The following SBF2 variants were observed in gnomAD, a reference collection of about 807,000 sequenced individuals.
SBF2 encodes SET binding factor 2.
SBF2 carries 112 observed loss-of-function variants against 225.2 expected under a neutral mutation model. The ratio of observed to expected loss-of-function variants is 0.50; its 90% CI spans 0.43 to 0.58. SBF2 has a LOEUF of 0.58. SBF2 is among the 20% of genes least tolerant of loss of function. The pLI, the probability that SBF2 is intolerant of heterozygous loss-of-function variation, is 0.00. For synonymous variants in SBF2, 763 were observed against 773.3 expected (o/e 0.99, Z 0.22); for missense variants, 1,996 against 2,206.2 (o/e 0.90, Z 1.91).
At chr11:10,175,206 C>T (rs1225820645) in intron 2 of SBF2, among the ~76,000 whole-genome samples, 5 of 151,332 alleles carry the variant, frequency 3.3e-5, no homozygotes, top group Non-Finnish European at 5.9e-5. Flanking sequence ...AATTAAAAGA[C>T]ACAGACTGGC....
chr11:10,088,666 G>C (rs992836370), intron 2 of SBF2, among the ~76,000 whole-genome samples: 1 of 152,174 alleles, frequency 6.6e-6, no homozygotes, highest in Non-Finnish European at 1.5e-5. Context: ...GGAACTTAAA[G>C]AGTGAGAACT....
Position 10,002,662 on chromosome 11 carries a change from C to T in SBF2, c.647G>A (p.Cys216Tyr). 6.2e-7 allele frequency: 1 copy of T among 1,613,390 alleles called. No homozygotes were observed. The highest frequency in any genetic ancestry group is 8.5e-7 in the Non-Finnish European group (1 of 1,179,470). The change falls in exon 7 of 40, where the codon TGT becomes TAT. Residue 216 changes from cysteine to tyrosine, a missense_variant. By Grantham distance (194) the Cys-to-Tyr change is radical. Coordinates refer to ENST00000256190, the MANE Select transcript of SBF2 (RefSeq NM_030962.4). ...AACCTTATTTTCTGTGAGGACTGCA[C>T]AAAAGAGGCTGAGGACATTTTGAAT... ...LGIQNVLSLFCAVLTENKVLF... is the reference protein window; with the variant it reads ...LGIQNVLSLFYAVLTENKVLF...
At chr11:10,006,562 T>C (rs1373998741) in intron 6 of SBF2, among the ~76,000 whole-genome samples, 2 of 152,212 alleles carry the variant, frequency 1.3e-5, no homozygotes, top group East Asian at 3.8e-4. Flanking sequence ...GGGGAAATTC[T>C]TCCTTTCCCA....
intron 1 of SBF2, among the ~76,000 whole-genome samples, chr11:10,239,525 T>C (rs530669253): frequency 6.0e-5 from 9 of 148,912 alleles, no homozygotes; most frequent in Admixed American, 2.0e-4. Flanking sequence ...AACCACAATA[T>C]AATGGAGTAG....
At chr11:9,971,685 GGAAAAA>G (rs1186083662) in intron 13 of SBF2, among the ~76,000 whole-genome samples, 6 of 151,588 alleles carry the variant, frequency 4.0e-5, no homozygotes, top group African/African-American at 9.7e-5. Flanking sequence ...TCTCAAGAAA[GGAAAAA>G]GAAAAAGAAA....
intron 2 of SBF2, among the ~76,000 whole-genome samples, chr11:10,094,528 A>ATTTTTTTTTTTTTT (rs60485793): frequency 0.055 from 5,865 of 106,768 alleles, 631 homozygotes; most frequent in Non-Finnish European, 0.074. Flanking sequence ...ATACACACAG[A>ATTTTTTTTTTTTTT]TTTTTTTTTT....
intron 2 of SBF2, among the ~76,000 whole-genome samples, chr11:10,110,398 T>A (rs1458370719): frequency 1.3e-5 from 2 of 152,084 alleles, no homozygotes; most frequent in Non-Finnish European, 2.9e-5. Flanking sequence ...AAATAGAAAA[T>A]TTTAAAACAA....
chr11:9,842,843 G>T, intron 24 of SBF2, 73 bp from the exon 25 acceptor site: 1 of 1,486,064 alleles, frequency 6.7e-7, no homozygotes. Flanking sequence ...CACCTACTTA[G>T]CTCAAATTGT....
intron 16 of SBF2, among the ~76,000 whole-genome samples, chr11:9,933,907 C>T (rs576947484): frequency 9.5e-4 from 145 of 152,150 alleles, no homozygotes; most frequent in Non-Finnish European, 1.5e-3. Context: ...AATTGATAGA[C>T]TGCTAGCAAG....
intron 14 of SBF2, among the ~76,000 whole-genome samples, chr11:9,964,645 G>A (rs938207116): frequency 6.6e-6 from 1 of 152,140 alleles, no homozygotes; most frequent in Non-Finnish European, 1.5e-5. Flanking sequence ...TGTTACACTG[G>A]CTTAGGAAAG....
At chr11:9,860,698 G>A (rs113100082) in intron 17 of SBF2, among the ~76,000 whole-genome samples, 1 of 152,098 alleles carries the variant, frequency 6.6e-6, no homozygotes, top group Non-Finnish European at 1.5e-5. Flanking sequence ...CCTTTACCAT[G>A]AGTATACTCA....
intron 17 of SBF2, among the ~76,000 whole-genome samples, chr11:9,874,017 C>A (rs538432613): frequency 6.6e-6 from 1 of 151,796 alleles, no homozygotes; most frequent in Non-Finnish European, 1.5e-5. Flanking sequence ...CGAGATTGAG[C>A]CACTACACTC....
chr11:9,883,518 G>A (rs1162557167), intron 17 of SBF2, among the ~76,000 whole-genome samples: 1 of 152,146 alleles, frequency 6.6e-6, no homozygotes, highest in African/African-American at 2.4e-5. Flanking sequence ...TTATGATTGT[G>A]AGGATTAAAT....
intron 2 of SBF2, among the ~76,000 whole-genome samples, chr11:10,074,528 T>A (rs1308991413): frequency 2.0e-5 from 3 of 152,204 alleles, no homozygotes; most frequent in Non-Finnish European, 4.4e-5. Context: ...GATTTTATTA[T>A]CTCTCAAAGT....
intron 2 of SBF2, among the ~76,000 whole-genome samples, chr11:10,049,328 T>C (rs1949980474): frequency 6.6e-6 from 1 of 152,216 alleles, no homozygotes; most frequent in Non-Finnish European, 1.5e-5. Flanking sequence ...TAGTTGTGGC[T>C]GGGTGCGATG....
At chr11:10,147,050 G>GT (rs1491467522) in intron 2 of SBF2, among the ~76,000 whole-genome samples, 8 of 124,338 alleles carry the variant, frequency 6.4e-5, no homozygotes, top group African/African-American at 2.1e-4. Flanking sequence ...TTATTAAAAA[G>GT]TAAAAAAAAA....
intron 16 of SBF2, among the ~76,000 whole-genome samples, chr11:9,928,109 A>G (rs568467941): frequency 6.6e-6 from 1 of 152,296 alleles, no homozygotes; most frequent in African/African-American, 2.4e-5. Context: ...AAATTGATAA[A>G]CTGGACTTTA....
Position 9,845,547 on chromosome 11 carries a change from A to C in SBF2, c.3110+18T>G. ...ATTACGGGAGGGCTGAAATTAACAGACTTGTCTTTCTTCTTACCGAAAAGA... is the reference window on the plus strand; with the variant it reads ...ATTACGGGAGGGCTGAAATTAACAGCCTTGTCTTTCTTCTTACCGAAAAGA... On this transcript the variant is annotated intron_variant, in intron 24 of 39. Transcript: ENST00000256190. The C allele has an allele frequency of 2.5e-6, 4 of 1,609,610 alleles. No homozygotes were observed. The highest frequency in any genetic ancestry group is 3.4e-6 in the Non-Finnish European group (4 of 1,175,944).
chr11:10,293,192 A>G (rs1437184725), intron 1 of SBF2, among the ~76,000 whole-genome samples: 2 of 137,428 alleles, frequency 1.5e-5, no homozygotes, highest in African/African-American at 4.9e-5. Context: ...AAGAGAATAC[A>G]AATACAGAAA....
Sources: gnomAD v4.1 joint callset for allele counts (sites outside exome capture counted in the v4.1 genomes callset) on GRCh38, gnomAD v4.1.1 for gene constraint, MANE v1.5 for transcripts, NCBI Gene and HGNC (gene_info 2026-07-23, HGNC 2026-07-21) for gene names.